The following CFAP74 variants were observed in gnomAD, a reference collection of about 807,000 sequenced individuals.
CFAP74 encodes the protein cilia- and flagella-associated protein 74.
In CFAP74, 124 loss-of-function variants were observed where a neutral mutation model predicts 188.9. The ratio of observed to expected loss-of-function variants is 0.66; its 90% CI spans 0.57 to 0.76. The LOEUF is 0.76. Ranked by LOEUF, CFAP74 falls within the 30% of genes least tolerant of loss-of-function variation. The pLI is 0.00. For missense variants in CFAP74, 2,198 were observed against 2,165.2 expected (o/e 1.02, Z -0.30); for synonymous variants, 956 against 916.7 (o/e 1.04, Z -0.77).
At chr1:1,965,773 G>A (rs942034544) in intron 12 of CFAP74, among the ~76,000 whole-genome samples, 1 of 152,184 alleles carries the variant, frequency 6.6e-6, no homozygotes, top group African/African-American at 2.4e-5. Flanking sequence ...TGGTCAGCCC[G>A]GCATCCCCAG....
intron 28 of CFAP74, 96 bp downstream of exon 28, chr1:1,927,511 G>A (rs1419109894): frequency 8.3e-6 from 10 of 1,202,634 alleles, no homozygotes; most frequent in Admixed American, 2.7e-5. Context: ...GGGTCATTCC[G>A]GGCAATCTGT....
In CFAP74 at chr1:1,970,668, G is replaced by C; in HGVS notation, c.1037C>G (p.Ala346Gly). 6.2e-7 allele frequency: 1 copy of C among 1,608,136 alleles called. No individual in the cohort carries two copies. The highest frequency in any genetic ancestry group is 8.5e-7 in the Non-Finnish European group (1 of 1,177,488). Reference sequence around the variant, plus strand: ...CTGCCACCACCCTCACCTCTTCTGGGCCTCCAGCTCCTGGCGCCGGCGCTG... The same window carrying C: ...CTGCCACCACCCTCACCTCTTCTGGCCCTCCAGCTCCTGGCGCCGGCGCTG... ...VHQRRRQELE[A>G]QKRAFEEEQK... The change falls in exon 10 of 39, where the codon GCC (alanine) becomes GGC (glycine). Residue 346 changes from alanine (A) to glycine (G), a missense_variant. By Grantham distance (60) the Ala-to-Gly change is moderately conservative (BLOSUM62 0). Coordinates refer to ENST00000682832, the MANE Select transcript of CFAP74 (RefSeq NM_001304360.2).
chr1:1,925,327 GGCACACGCTGGTGTGAAGGCATGAGA>G lies in CFAP74; in HGVS notation c.4104+430_4104+455del, dbSNP rs1317833255. Reference sequence around the variant, plus strand: ...GCACACGCTGGTGTGAAGGCATGAGGGCACACGCTGGTGTGAAGGCATGAGAGCACACAGGGCAGTGCGAGGCATGA... The same window carrying G: ...GCACACGCTGGTGTGAAGGCATGAGGGCACACAGGGCAGTGCGAGGCATGA... On this transcript the variant is annotated intron_variant, in intron 33 of 38. Coordinates refer to ENST00000682832, the MANE Select transcript of CFAP74 (RefSeq NM_001304360.2). Among the ~76,000 whole-genome samples, 10 of 151,524 alleles carry G rather than the reference GGCACACGCTGGTGTGAAGGCATGAGA, an allele frequency of 6.6e-5. 1 individual carries two copies. Among genetic ancestry groups the G allele is most frequent in the African/African-American group, 2.2e-4 (9 of 40,938 alleles).
intron 6 of CFAP74, among the ~76,000 whole-genome samples, chr1:1,978,639 T>A (rs2102089988): frequency 6.6e-6 from 1 of 152,242 alleles, no homozygotes; most frequent in Middle Eastern, 3.4e-3. Context: ...AGGACATGGA[T>A]TCTCCTCGGA....
intron 1 of CFAP74, among the ~76,000 whole-genome samples, chr1:1,996,700 C>T (rs76211778): frequency 1.3e-5 from 2 of 151,928 alleles, no homozygotes; most frequent in East Asian, 1.9e-4. Flanking sequence ...GCGGGTGGAT[C>T]ACTTGAGGTC....
chr1:1,958,850 A>G (rs139068583), intron 16 of CFAP74, among the ~76,000 whole-genome samples: 1,571 of 152,304 alleles, frequency 0.01, 39 homozygotes, highest in African/African-American at 0.036. Flanking sequence ...CCTGAGCCAC[A>G]GGCCCTGCAG....
chr1:1,926,961 C>T lies in CFAP74; in HGVS notation c.3595G>A (p.Val1199Ile). The change falls in exon 29 of 39, where the codon GTA (valine) becomes ATA (isoleucine). Residue 1199 changes from valine to isoleucine, a missense_variant. By Grantham distance (29) the Val-to-Ile change is conservative. Coordinates refer to ENST00000682832, the MANE Select transcript of CFAP74 (RefSeq NM_001304360.2). ...CCACTGGCAACAACACAGGGAACTA[C>T]AAATGTGTCAAACTTCGCCTGGAAC... is the stretch of plus-strand genomic sequence containing the variant. ...RAFQAKFDTFVVPCVVASGDI... is the reference protein window; with the variant it reads ...RAFQAKFDTFIVPCVVASGDI... 7 of 1,550,300 alleles carry T rather than the reference C, an allele frequency of 4.5e-6. No individual in the cohort carries two copies. The South Asian group carries it at 7.1e-5, about 16-fold the overall frequency.
At chr1:1,995,481 G>A (rs1485696566) in intron 1 of CFAP74, among the ~76,000 whole-genome samples, 1 of 139,138 alleles carries the variant, frequency 7.2e-6, no homozygotes, top group Non-Finnish European at 1.5e-5. Context: ...GACAGAATGA[G>A]ACTCAGTCTC....
chr1:1,930,432 G>C (rs1166299131), intron 25 of CFAP74, 96 bp from the exon 26 acceptor site: 2 of 1,273,460 alleles, frequency 1.6e-6, no homozygotes. Flanking sequence ...CAAGCCCCGG[G>C]GGGGGCTCAC....
chr1:1,988,422 C>A (rs980232671), intron 4 of CFAP74, 90 bp downstream of exon 4: 1 of 1,520,600 alleles, frequency 6.6e-7, no homozygotes. Flanking sequence ...CTCAGGGTGA[C>A]GACAGGTACA....
chr1:1,982,411 A>G (rs1241032554), intron 6 of CFAP74, among the ~76,000 whole-genome samples: 2 of 152,090 alleles, frequency 1.3e-5, no homozygotes, highest in Admixed American at 6.5e-5. Flanking sequence ...CATGCAGGAC[A>G]CCCCGCCAGG....
chr1:1,985,321 G>A, intron 6 of CFAP74, 65 bp downstream of exon 6: 1 of 1,388,040 alleles, frequency 7.2e-7, no homozygotes, highest in Non-Finnish European at 1.0e-6. Flanking sequence ...TCTGCCCCCA[G>A]ATGGGAAGGA....
In CFAP74 at chr1:1,922,287, T is replaced by G; in HGVS notation, c.4920A>C (p.Ter1640TyrextTer20). The change falls in exon 39 of 39, where the codon TAA becomes TAC. Residue 1640 changes from the stop codon to tyrosine, a stop_lost. Coordinates refer to ENST00000682832, the MANE Select transcript of CFAP74 (RefSeq NM_001304360.2). ...IFVAQVLTGP[*>Y] is the part of the protein sequence containing the mutation. ...GCCCGAGGGTGCTCTGTGCAGAGGC[T>G]TAGGGGCCAGTCAACACCTGGGCTA... 1 of 1,608,388 alleles carries G rather than the reference T, an allele frequency of 6.2e-7. No individual in the cohort carries two copies. Among genetic ancestry groups the G allele is most frequent in the Non-Finnish European group, 8.5e-7 (1 of 1,177,954 alleles).
At chr1:1,936,120 G>A (rs1331655747) in intron 25 of CFAP74, among the ~76,000 whole-genome samples, 1 of 151,914 alleles carries the variant, frequency 6.6e-6, no homozygotes, top group African/African-American at 2.4e-5. Context: ...AGGAGGCTGA[G>A]GCAGGAGAAT....
intron 12 of CFAP74, 102 bp downstream of exon 12, chr1:1,966,269 C>T: frequency 8.6e-7 from 1 of 1,168,152 alleles, no homozygotes; most frequent in Non-Finnish European, 1.2e-6. Flanking sequence ...CAGGAGAAGC[C>T]TCAGAGCAGC....
Position 1,940,489 on chromosome 1 carries a change from A to G in CFAP74, c.2616-86T>C, listed in dbSNP as rs550132426. 153 of 897,268 alleles carry G rather than the reference A, an allele frequency of 1.7e-4. 1 individual carries two copies. The South Asian group carries it at 2.5e-3, about 14-fold the overall frequency. 55.6% of individuals were successfully genotyped at this position (897,268 alleles called of 1,614,324 possible). ...GACCCACTGTCACTGGTGCTTCTAC[A>G]TCCCGTGAGAGCTACGGCGTCTCTG... On this transcript the variant is annotated intron_variant, in intron 22 of 38. Coordinates refer to ENST00000682832, the MANE Select transcript of CFAP74 (RefSeq NM_001304360.2).
At chr1:1,991,069 C>A in intron 1 of CFAP74, 94 bp from the exon 2 acceptor site, 26 of 793,796 alleles carry the variant, frequency 3.3e-5, no homozygotes, top group Non-Finnish European at 4.4e-5. Context: ...ATTAAGAAAA[C>A]AAACGACAGA....
intron 12 of CFAP74, among the ~76,000 whole-genome samples, chr1:1,966,129 G>A (rs527936378): frequency 1.1e-3 from 175 of 152,318 alleles, no homozygotes; most frequent in Non-Finnish European, 1.6e-3. Context: ...TGTCTGTCAG[G>A]GGGAGCTTGG....
rs1425432892 is a variant in CFAP74, at chr1:1,927,645, G to A, written c.3489C>T (p.Pro1163=). ...NRDKLFKVSV[P]HVLEMRKREL... ...CCCGCTTCCGCATCTCCAGGACGTG[G>A]GGGACAGAGACTTTGAACAGCTTGT... Residue 1163 remains proline (P), a synonymous_variant, in exon 28 of 39, where the codon CCC becomes CCT. Coordinates refer to ENST00000682832, the MANE Select transcript of CFAP74 (RefSeq NM_001304360.2). 1.1e-5 allele frequency: 17 copies of A among 1,550,066 alleles called. No individual in the cohort carries two copies. The highest frequency in any genetic ancestry group is 4.9e-5 in the East Asian group (2 of 40,940).
Sources: allele counts gnomAD v4.1 joint callset (sites outside exome capture counted in the v4.1 genomes callset), GRCh38; gene constraint gnomAD v4.1.1; transcripts MANE v1.5; gene names NCBI Gene and HGNC (gene_info 2026-07-23, HGNC 2026-07-21).